Variants in CPNE7 observed in about 807,000 individuals in gnomAD.
CPNE7 encodes the protein copine 7, also known as copine-7.
A neutral mutation model predicts 66.5 loss-of-function variants in CPNE7; 78 were observed. That is an observed-to-expected ratio of 1.17 (90% CI 0.98 to 1.42). The LOEUF (loss-of-function observed/expected upper bound fraction) is 1.42, where lower values mean the gene tolerates loss of function less well. Ranked by LOEUF, CPNE7 falls within the 40% of genes most tolerant of loss-of-function variation. The probability of loss-of-function intolerance (pLI) is 0.00; values close to 1 mark genes in which losing one functional copy is unlikely to be tolerated. For missense variants in CPNE7, 1,012 were observed against 776.6 expected (o/e 1.30, Z -3.60); for synonymous variants, 468 against 336.7 (o/e 1.39, Z -4.27).
rs138657345 is a variant in CPNE7 at position 89,588,103 on chromosome 16, C to G, written c.928-572C>G. On this transcript the variant is annotated intron_variant, in intron 9 of 14. Transcript: ENST00000319518. ...CCACAGATACACGGCCCCCGTGTCA[C>G]CCACAGATACACGGCCCCCGTGTCA... Among the ~76,000 whole-genome samples, 26 of 48,722 alleles carry G rather than the reference C, an allele frequency of 5.3e-4. 1 individual carries two copies. The highest frequency in any genetic ancestry group is 0.013 in the Middle Eastern group (1 of 78). The allele number at this position is 48,722 out of a possible 152,430, so 32.0% of individuals were successfully genotyped here. A position where few individuals can be genotyped will look rare whatever the true frequency, so the allele number is the denominator to read the frequency against.
chr16:89,584,677 G>C lies in CPNE7; in HGVS notation c.508-97G>C. The C allele has an allele frequency of 2.3e-6, 2 of 852,200 alleles. No homozygotes were observed. Among genetic ancestry groups the C allele is most frequent in the Non-Finnish European group, 3.8e-6 (2 of 520,072 alleles). 52.8% of individuals were successfully genotyped at this position (852,200 alleles called of 1,614,324 possible). Reference sequence around the variant, plus strand: ...TTTGTGCCTGAGGAATTAGCGGCTGGTGGCATGAAGTGAGCCCTGGGAAAC... The same window carrying C: ...TTTGTGCCTGAGGAATTAGCGGCTGCTGGCATGAAGTGAGCCCTGGGAAAC... On this transcript the variant is annotated intron_variant, in intron 4 of 14. Coordinates refer to ENST00000319518, the MANE Select transcript of CPNE7 (RefSeq NM_153636.3). This position sits in a 1 kb window ranked among gnomAD's most constrained non-coding sequence, Gnocchi z 6.0.
In CPNE7 at chr16:89,586,652, T is replaced by C. The variant is rs538048230; in HGVS notation, c.781-18T>C. ...CAGAGCCACCACTCTGGGGGGCCTC[T>C]GCTTGTTCCTGCCCCAGGCCCAGTG... On this transcript the variant is annotated intron_variant, in intron 7 of 14. Coordinates refer to ENST00000319518, the MANE Select transcript of CPNE7 (RefSeq NM_153636.3). 91 of 1,608,316 alleles carry C rather than the reference T, an allele frequency of 5.7e-5. No homozygotes were observed. In the South Asian group the frequency reaches 8.7e-4, roughly 15 times the overall value.
chr16:89,585,360 C>T (rs2059017716), intron 5 of CPNE7, 104 bp from the exon 6 acceptor site: 4 of 790,214 alleles, frequency 5.1e-6, no homozygotes, highest in Admixed American at 4.3e-5. Flanking sequence ...AGGGGCAGGG[C>T]CAGCTGTGCC....
At chr16:89,578,324 A>T (rs2058893253) in intron 2 of CPNE7, among the ~76,000 whole-genome samples, 1 of 151,758 alleles carries the variant, frequency 6.6e-6, no homozygotes, top group African/African-American at 2.4e-5. Context: ...TGTCCTCCCA[A>T]AGTGCTGGGA....
At chr16:89,591,730 C>A (rs1205561777) in intron 13 of CPNE7, among the ~76,000 whole-genome samples, 1 of 152,118 alleles carries the variant, frequency 6.6e-6, no homozygotes, top group African/African-American at 2.4e-5. Flanking sequence ...GACAGAGTCT[C>A]ACTCTGTCAC....
At chr16:89,583,308 C>T in intron 2 of CPNE7, 1 of 830,432 alleles carries the variant, frequency 1.2e-6, no homozygotes, top group South Asian at 1.5e-5. Flanking sequence ...GGGTTCTCAC[C>T]TGGGCCTGGA....
At position 89,576,463 on chromosome 16, in the gene CPNE7, G is replaced by T. The variant is rs932763849; in HGVS notation, c.174+392G>T. On this transcript the variant is annotated intron_variant, in intron 1 of 14. Transcript: ENST00000319518. ...GGGCGCCGGCCGACGGGGGGCGGGA[G>T]GCTGGGCGGGAGCAGGCCGGCGAGG... 7.9e-5 allele frequency among the ~76,000 whole-genome samples: 12 copies of T among 151,966 alleles called. No individual in the cohort carries two copies. In the East Asian group the frequency reaches 2.1e-3, roughly 27 times the overall value.
Position 89,585,546 on chromosome 16 carries a change from C to T in CPNE7, c.674C>T (p.Pro225Leu). Residue 225 changes from proline (P) to leucine (L), a missense_variant, in exon 6 of 15, where the codon CCT becomes CTT. By Grantham distance (98) the Pro-to-Leu change is moderately conservative (BLOSUM62 -3). Coordinates refer to ENST00000319518, the MANE Select transcript of CPNE7 (RefSeq NM_153636.3). ...CTCTGCAGCTGCGAGGAGACAAGGC[C>T]TCTAAAGGTGGGGGACGGGATGGAC... The part of the protein sequence containing the change: ...SSLCSCEETR[P>L]LKCLVWDYDS... The T allele has an allele frequency of 1.2e-6, 2 of 1,610,378 alleles. No individual in the cohort carries two copies. The highest frequency in any genetic ancestry group is 1.7e-6 in the Non-Finnish European group (2 of 1,178,604).
At chr16:89,579,417 CTGT>C (rs1567951994) in intron 2 of CPNE7, among the ~76,000 whole-genome samples, 1 of 151,888 alleles carries the variant, frequency 6.6e-6, no homozygotes, top group African/African-American at 2.4e-5. Context: ...AACATCTCAC[CTGT>C]CACACAGAAC....
intron 2 of CPNE7, among the ~76,000 whole-genome samples, chr16:89,582,240 C>A (rs901193332): frequency 2.6e-5 from 4 of 152,238 alleles, no homozygotes; most frequent in Admixed American, 1.3e-4. Flanking sequence ...GACCTCTGAC[C>A]CCTGACTTCT....
chr16:89,588,623 G>A (rs535736143), intron 9 of CPNE7, 52 bp from the exon 10 acceptor site: 670 of 1,607,750 alleles, frequency 4.2e-4, no homozygotes, highest in African/African-American at 1.2e-3. Flanking sequence ...TGTCAGGAGC[G>A]GGTTCGGGGA....
rs142856114 is a variant in CPNE7, at chr16:89,578,976, G to A, written c.357+1255G>A. The A allele has an allele frequency of 6.1e-4, 972 of 1,604,906 alleles. 4 individuals carry two copies. In the African/African-American group the frequency reaches 8.9e-3, roughly 15 times the overall value. On this transcript the variant is annotated intron_variant, in intron 2 of 14. Coordinates refer to ENST00000319518, the MANE Select transcript of CPNE7 (RefSeq NM_153636.3). Reference sequence around the variant, plus strand: ...CGGAATCCTCACACCTTGCCAGGACGGGTCCTTCTTTTTTATTGAGGTAAA... The same window carrying A: ...CGGAATCCTCACACCTTGCCAGGACAGGTCCTTCTTTTTTATTGAGGTAAA...
chr16:89,590,996 T>C lies in CPNE7; in HGVS notation c.1117-11T>C. 2 of 1,613,362 alleles carry C rather than the reference T, an allele frequency of 1.2e-6. No individual in the cohort carries two copies. The highest frequency in any genetic ancestry group is 1.7e-6 in the Non-Finnish European group (2 of 1,179,734). Reference sequence around the variant, plus strand: ...ACGAGCAGCTGACTGAGCCCTCTTGTTCCCACCCAGGTGTCCCATGACTTT... The same window carrying C: ...ACGAGCAGCTGACTGAGCCCTCTTGCTCCCACCCAGGTGTCCCATGACTTT... On this transcript the variant is annotated splice_polypyrimidine_tract_variant and intron_variant, in intron 11 of 14. Coordinates refer to ENST00000319518, the MANE Select transcript of CPNE7 (RefSeq NM_153636.3).
intron 2 of CPNE7, among the ~76,000 whole-genome samples, chr16:89,580,305 ACCCGCTGACACAGAACATC>A (rs1272449285): frequency 3.8e-4 from 51 of 132,490 alleles, no homozygotes; most frequent in African/African-American, 1.5e-3. Flanking sequence ...ACATCCCGTC[ACCCGCTGACACAGAACATC>A]TCACCCGTCA....
In CPNE7 at chr16:89,575,769, C is replaced by A; in HGVS notation, c.-129C>A. ...CGGCCGCCCGAGCCACGTGCGCCCGCGCCCGGCAGGCGTTCAGGGAAGCGC... is the reference window on the plus strand; with the variant it reads ...CGGCCGCCCGAGCCACGTGCGCCCGAGCCCGGCAGGCGTTCAGGGAAGCGC... On this transcript the variant is annotated 5_prime_UTR_variant, in exon 1 of 15. Transcript: ENST00000319518. 2 of 645,036 alleles carry A rather than the reference C, an allele frequency of 3.1e-6. No homozygotes were observed. The highest frequency in any genetic ancestry group is 1.9e-6 in the Non-Finnish European group (1 of 516,580). 40.0% of individuals were successfully genotyped at this position (645,036 alleles called of 1,614,324 possible).
At chr16:89,593,595 G>A (rs1048931478) in intron 13 of CPNE7, among the ~76,000 whole-genome samples, 62 of 151,708 alleles carry the variant, frequency 4.1e-4, no homozygotes, top group Non-Finnish European at 6.9e-4. Context: ...CTCGTGATCC[G>A]CCCACCTCGG....
chr16:89,583,541 A>T, intron 2 of CPNE7, 156 bp from the exon 3 acceptor site: 4 of 1,577,882 alleles, frequency 2.5e-6, no homozygotes, highest in Non-Finnish European at 3.4e-6. Flanking sequence ...GCTTGAGAGC[A>T]GCCACAAAGG....
At chr16:89,579,289 C>CA (rs202085684) in intron 2 of CPNE7, among the ~76,000 whole-genome samples, 3,926 of 125,210 alleles carry the variant, frequency 0.031, 99 homozygotes, top group African/African-American at 0.073. Flanking sequence ...GTCTTTGTCT[C>CA]AAAAAAAAAA....
chr16:89,585,625 G>T, intron 6 of CPNE7, 62 bp from the exon 7 acceptor site: 1 of 1,551,390 alleles, frequency 6.4e-7, no homozygotes, highest in Non-Finnish European at 8.8e-7. Flanking sequence ...AGACACCTGG[G>T]CTCGGGTGGG....
Sources: allele counts gnomAD v4.1 joint callset (sites outside exome capture counted in the v4.1 genomes callset), GRCh38; gene constraint gnomAD v4.1.1; non-coding constraint Gnocchi (gnomAD v3.1); transcripts MANE v1.5; gene names NCBI Gene and HGNC (gene_info 2026-07-23, HGNC 2026-07-21).